Variants in IPMK observed in about 807,000 individuals in gnomAD.
IPMK encodes the protein inositol 1,3,4,6-tetrakisphosphate 5-kinase.
Under a neutral mutation model 45.8 loss-of-function variants are expected in IPMK, and 17 were observed. The observed-to-expected ratio is 0.37, with a 90% CI of 0.25 to 0.56. The LOEUF is 0.56. Among genes scored for constraint, IPMK ranks in the 20% least tolerant of loss-of-function variants. The probability of loss-of-function intolerance (pLI) is 0.79; values close to 1 mark genes in which losing one functional copy is unlikely to be tolerated. For synonymous variants in IPMK, 180 were observed against 184.3 expected, an observed-to-expected ratio of 0.98 and a Z score of 0.19; for missense variants, 399 against 498.0, an observed-to-expected ratio of 0.80 and a Z score of 1.89.
At chr10:58,258,551 T>C (rs1233470245) in intron 1 of IPMK, among the ~76,000 whole-genome samples, 1 of 151,980 alleles carries the variant, frequency 6.6e-6, no homozygotes, top group Non-Finnish European at 1.5e-5. Flanking sequence ...CTGACCACAA[T>C]GGAAGTAACA....
At chr10:58,241,074 GGGAGGGT>G (rs11278316) in intron 1 of IPMK, among the ~76,000 whole-genome samples, 14,322 of 152,154 alleles carry the variant, frequency 0.094, 1,014 homozygotes, top group African/African-American at 0.2. Flanking sequence ...CTCCAACACT[GGGAGGGT>G]GAAGGAAGAC....
chr10:58,249,105 T>C (rs1838846297), intron 1 of IPMK, among the ~76,000 whole-genome samples: 1 of 152,240 alleles, frequency 6.6e-6, no homozygotes, highest in Admixed American at 6.5e-5. Context: ...GGAACTTCCA[T>C]ACTATTTCCC....
chr10:58,217,808 T>C (rs2590308), intron 3 of IPMK, among the ~76,000 whole-genome samples: 51,249 of 151,530 alleles, frequency 0.34, 10,893 homozygotes, highest in African/African-American at 0.61. Context: ...TTACTATCAG[T>C]GAACATGACA....
intron 2 of IPMK, among the ~76,000 whole-genome samples, chr10:58,229,512 G>A (rs1033678041): frequency 7.0e-6 from 1 of 142,584 alleles, no homozygotes; most frequent in South Asian, 2.2e-4. Flanking sequence ...GCAGTGAGCA[G>A]AGACTGCGCC....
At chr10:58,253,242 C>T (rs943505570) in intron 1 of IPMK, among the ~76,000 whole-genome samples, 4 of 152,162 alleles carry the variant, frequency 2.6e-5, no homozygotes, top group African/African-American at 4.8e-5. Flanking sequence ...GATTGTAAGG[C>T]CTCCTGAGCC....
chr10:58,253,599 A>C (rs1283717460), intron 1 of IPMK, among the ~76,000 whole-genome samples: 1 of 151,886 alleles, frequency 6.6e-6, no homozygotes, highest in African/African-American at 2.4e-5. Context: ...TTAGCTGGGC[A>C]TGGTGGCATG....
chr10:58,266,369 T>C (rs1157836391), intron 1 of IPMK, among the ~76,000 whole-genome samples: 1 of 152,216 alleles, frequency 6.6e-6, no homozygotes, highest in Non-Finnish European at 1.5e-5. Context: ...CTTGAGTTGT[T>C]TCAGCAAACA....
chr10:58,244,624 AAG>A (rs201264439), intron 1 of IPMK, among the ~76,000 whole-genome samples: 18,565 of 152,112 alleles, frequency 0.12, 1,172 homozygotes, highest in Middle Eastern at 0.18. Flanking sequence ...GGGGAAAAGA[AAG>A]AGAGATCAGA....
chr10:58,231,385 C>T (rs1838517251), intron 2 of IPMK, among the ~76,000 whole-genome samples: 1 of 152,078 alleles, frequency 6.6e-6, no homozygotes, highest in Non-Finnish European at 1.5e-5. Context: ...GTCAGATTCA[C>T]CAAGGTTGAA....
In IPMK at chr10:58,253,386, A is replaced by C. The variant is rs142482826; in HGVS notation, c.190+14036T>G. On this transcript the variant is annotated intron_variant, in intron 1 of 5. Coordinates refer to ENST00000373935, the MANE Select transcript of IPMK (RefSeq NM_152230.5). ...AGGTCTGGCATTGATGTATTCCCTC[A>C]ACTTTTGTTTGTCTGGAAATGTCTT... Among the ~76,000 whole-genome samples, 523 of 152,248 alleles carry C rather than the reference A, an allele frequency of 3.4e-3. 4 individuals carry two copies. The highest frequency in any genetic ancestry group is 0.012 in the African/African-American group (481 of 41,534).
rs1392538558 is a variant in IPMK, at chr10:58,267,462, C to G, written c.150G>C (p.Ser50=). The change falls in exon 1 of 6, where the codon TCG becomes TCC. Residue 50 remains serine (S), a synonymous_variant. Coordinates refer to ENST00000373935, the MANE Select transcript of IPMK (RefSeq NM_152230.5). The part of the protein sequence containing the change: ...LRFLNGCVPL[S]HQVAGHMYGK... ...CGTACATGTGCCCGGCCACCTGATG[C>G]GAGAGGGGCACGCAGCCGTTGAGGA... The G allele has an allele frequency of 3.7e-6, 6 of 1,613,768 alleles. No individual in the cohort carries two copies. The East Asian group carries it at 1.3e-4, about 36-fold the overall frequency.
intron 1 of IPMK, among the ~76,000 whole-genome samples, chr10:58,239,565 G>A: frequency 6.6e-6 from 1 of 152,150 alleles, no homozygotes; most frequent in African/African-American, 2.4e-5. Flanking sequence ...CAACAGCATG[G>A]GATAGCAGGA....
Position 58,193,537 on chromosome 10 carries a change from CAATT to C in IPMK, c.*2535_*2538del, listed in dbSNP as rs1429022276. The stretch of plus-strand genomic sequence containing the variant: ...GCAATGTCTATCCATATTAAAATAT[CAATT>C]AATGTAAATATTATAAAACTATTAT... On this transcript the variant is annotated 3_prime_UTR_variant, in exon 6 of 6. Coordinates refer to ENST00000373935, the MANE Select transcript of IPMK (RefSeq NM_152230.5). The C allele has an allele frequency of 6.6e-6, 1 of 151,600 alleles. No individual in the cohort carries two copies. The highest frequency in any genetic ancestry group is 1.5e-5 in the Non-Finnish European group (1 of 67,706). The allele number at this position is 151,600 out of a possible 1,614,324, so 9.4% of individuals were successfully genotyped here.
At chr10:58,253,263 G>C (rs1176653229) in intron 1 of IPMK, among the ~76,000 whole-genome samples, 1 of 152,192 alleles carries the variant, frequency 6.6e-6, no homozygotes, top group Admixed American at 6.5e-5. Context: ...ATGTGGAACT[G>C]TGAGTCAATT....
intron 1 of IPMK, among the ~76,000 whole-genome samples, chr10:58,251,486 TC>T (rs35184832): frequency 0.34 from 51,079 of 151,676 alleles, 10,756 homozygotes; most frequent in African/African-American, 0.6. Context: ...TCTGTAAATG[TC>T]TGTTGGGTCC....
intron 3 of IPMK, among the ~76,000 whole-genome samples, chr10:58,225,037 A>T (rs1427633002): frequency 6.6e-6 from 1 of 152,198 alleles, no homozygotes; most frequent in Non-Finnish European, 1.5e-5. Flanking sequence ...AAAGTAGGAA[A>T]GAAGTAGAAA....
intron 2 of IPMK, among the ~76,000 whole-genome samples, chr10:58,235,297 C>T (rs1168231863): frequency 6.6e-6 from 1 of 152,108 alleles, no homozygotes; most frequent in Non-Finnish European, 1.5e-5. Flanking sequence ...ACCATTTGAC[C>T]CAGCAATCCC....
Position 58,195,821 on chromosome 10 carries a change from A to T in IPMK, c.*255T>A, listed in dbSNP as rs1837883243. On this transcript the variant is annotated 3_prime_UTR_variant, in exon 6 of 6. Coordinates refer to ENST00000373935, the MANE Select transcript of IPMK (RefSeq NM_152230.5). ...TTGCATTTTGCTTGAGCCAAAAAAG[A>T]TGTTTAAGCCATGTACCACCACATT... The T allele has an allele frequency of 1.9e-5, 7 of 363,194 alleles. No homozygotes were observed. The highest frequency in any genetic ancestry group is 1.6e-4 in the South Asian group (3 of 18,226). The allele number at this position is 363,194 out of a possible 1,614,324, so 22.5% of individuals were successfully genotyped here. A position where few individuals can be genotyped will look rare whatever the true frequency, so the allele number is the denominator to read the frequency against.
intron 4 of IPMK, among the ~76,000 whole-genome samples, chr10:58,212,098 GGCATTGCTATGAGCATGGTCTCTCCCCTT>G (rs1838174452): frequency 1.3e-5 from 2 of 151,892 alleles, no homozygotes; most frequent in South Asian, 4.2e-4. Flanking sequence ...TTCAGATGTT[GGCATTGCTATGAGCATGGTCTCTCCCCTT>G]TACTGCAACT....
Sources: allele counts gnomAD v4.1 joint callset (sites outside exome capture counted in the v4.1 genomes callset), GRCh38; gene constraint gnomAD v4.1.1; transcripts MANE v1.5; gene names NCBI Gene and HGNC (gene_info 2026-07-23, HGNC 2026-07-21).